TMEM119: variants seen among roughly 807,000 people sequenced by gnomAD.
TMEM119 encodes the protein osteoblast induction factor.
For missense variants in TMEM119, 410 were observed against 381.0 expected (o/e 1.08, Z -0.63); for synonymous variants, 182 against 176.4 (o/e 1.03, Z -0.25).
intron 1 of TMEM119, among the ~76,000 whole-genome samples, chr12:108,596,485 C>G (rs1263320766): frequency 6.6e-6 from 1 of 152,106 alleles, no homozygotes; most frequent in Non-Finnish European, 1.5e-5. Context: ...AAGGAGAACA[C>G]ACAAACTGCC....
Position 108,591,983 on chromosome 12 carries a change from T to C in TMEM119, c.401A>G (p.Lys134Arg), listed in dbSNP as rs1182282977. 6.2e-7 allele frequency: 1 copy of C among 1,613,526 alleles called. No homozygotes were observed. Among genetic ancestry groups the C allele is most frequent in the African/African-American group, 1.3e-5 (1 of 75,008 alleles). The change falls in exon 2 of 2, where the codon AAG (lysine) becomes AGG (arginine). Residue 134 changes from lysine (K) to arginine (R), a missense_variant. Lys to Arg is a conservative substitution (Grantham distance 26). Transcript: ENST00000392806. The surrounding 1 kb of genome is among the most constrained non-coding windows in gnomAD (Gnocchi z 4.2). ...ASAYYPSSFP[K>R]KKYVDQSDRA... The stretch of plus-strand genomic sequence containing the variant: ...GTCACTCTGGTCCACGTACTTCTTC[T>C]TGGGGAAGGACGATGGGTAATAGGC...
rs1235699616 is a variant in TMEM119, at chr12:108,592,847, A to T, written c.-14-450T>A. ...TTTGCAGATGAAAAAACAGAGGCTG[A>T]GAGGGACGTGGTGACTTGCCAGGGA... On this transcript the variant is annotated intron_variant, in intron 1 of 1. Coordinates refer to ENST00000392806, the MANE Select transcript of TMEM119 (RefSeq NM_181724.3). The surrounding 1 kb of genome is among the most constrained non-coding windows in gnomAD (Gnocchi z 4.3). 1.3e-5 allele frequency among the ~76,000 whole-genome samples: 2 copies of T among 152,104 alleles called. No homozygotes were observed. The highest frequency in any genetic ancestry group is 2.9e-5 in the Non-Finnish European group (2 of 68,008).
intron 1 of TMEM119, among the ~76,000 whole-genome samples, chr12:108,595,885 G>A (rs2031497634): frequency 6.6e-6 from 1 of 152,206 alleles, no homozygotes; most frequent in Admixed American, 6.5e-5. Flanking sequence ...GTCAAGCCTA[G>A]GAGAGAGCTT....
Position 108,590,106 on chromosome 12 carries a change from C to T in TMEM119, c.*1426G>A, listed in dbSNP as rs992413199. On this transcript the variant is annotated 3_prime_UTR_variant, in exon 2 of 2. Coordinates refer to ENST00000392806, the MANE Select transcript of TMEM119 (RefSeq NM_181724.3). ...TGGGCGTCAGAAACCCTTCCCCAGCCCCTCGGACTTCCCCAGGGTGGAGGT... is the reference window on the plus strand; with the variant it reads ...TGGGCGTCAGAAACCCTTCCCCAGCTCCTCGGACTTCCCCAGGGTGGAGGT... The T allele has an allele frequency of 4.6e-5, 7 of 152,234 alleles. No individual in the cohort carries two copies. The highest frequency in any genetic ancestry group is 1.4e-4 in the African/African-American group (6 of 41,434). The allele number at this position is 152,234 out of a possible 1,614,324, so 9.4% of individuals were successfully genotyped here. A position where few individuals can be genotyped will look rare whatever the true frequency, so the allele number is the denominator to read the frequency against.
chr12:108,592,269 C>T lies in TMEM119; in HGVS notation c.115G>A (p.Ala39Thr), dbSNP rs1177377631. 6.2e-7 allele frequency: 1 copy of T among 1,609,444 alleles called. No individual in the cohort carries two copies. Among genetic ancestry groups the T allele is most frequent in the Non-Finnish European group, 8.5e-7 (1 of 1,178,850 alleles). Reference protein sequence around the residue: ...PLKATFLEDVAGSGEAEGSSA... With the variant: ...PLKATFLEDVTGSGEAEGSSA... ...GAGCCCTCGGCCTCCCCACTACCCG[C>T]CACATCCTCCAGGAACGTGGCCTTC... is the stretch of plus-strand genomic sequence containing the variant. Residue 39 changes from alanine to threonine, a missense_variant, in exon 2 of 2, where the codon GCG (alanine) becomes ACG (threonine). By Grantham distance (58) the Ala-to-Thr change is moderately conservative. Coordinates refer to ENST00000392806, the MANE Select transcript of TMEM119 (RefSeq NM_181724.3). The surrounding 1 kb of genome is among the most constrained non-coding windows in gnomAD (Gnocchi z 4.3).
chr12:108,596,061 G>T (rs1014434931), intron 1 of TMEM119, among the ~76,000 whole-genome samples: 6 of 152,222 alleles, frequency 3.9e-5, no homozygotes, highest in African/African-American at 1.4e-4. Flanking sequence ...TTGGGACAGG[G>T]TGACCACAGG....
chr12:108,595,117 A>G (rs998648924), intron 1 of TMEM119, among the ~76,000 whole-genome samples: 4 of 152,076 alleles, frequency 2.6e-5, no homozygotes, highest in African/African-American at 9.7e-5. Context: ...CACAGATGAT[A>G]AGTAGCTGAG....
At chr12:108,597,307 G>A (rs866108207) in intron 1 of TMEM119, among the ~76,000 whole-genome samples, 23 of 152,152 alleles carry the variant, frequency 1.5e-4, no homozygotes, top group Middle Eastern at 3.4e-3. Context: ...GGCGGCCCAC[G>A]GAAACCTGGC....
At chr12:108,594,572 AAAG>A (rs1353152694) in intron 1 of TMEM119, 2 of 146,622 alleles carry the variant, frequency 1.4e-5, no homozygotes, top group Non-Finnish European at 3.0e-5. Flanking sequence ...GAAAGAAAGA[AAAG>A]AAAAAAAAGA....
At chr12:108,597,447 C>T (rs75592976) in intron 1 of TMEM119, among the ~76,000 whole-genome samples, 8,864 of 147,590 alleles carry the variant, frequency 0.06, 554 homozygotes, top group African/African-American at 0.16. Context: ...CCTGGGGGCA[C>T]AATCCCCCTC....
Position 108,591,761 on chromosome 12 carries a change from T to A in TMEM119, c.623A>T (p.Glu208Val). ...RMVEGRGAEE[E>V]EKGSQEGDQE... is the part of the protein sequence containing the mutation. The stretch of plus-strand genomic sequence containing the variant: ...GTCCCCCTCCTGGCTGCCCTTCTCC[T>A]CTTCCTCTGCGCCCCTGCCCTCCAC... The change falls in exon 2 of 2, where the codon GAG (glutamate) becomes GTG (valine). Residue 208 changes from glutamate to valine, a missense_variant. Glu to Val is a moderately radical substitution (Grantham distance 121, BLOSUM62 -2). Coordinates refer to ENST00000392806, the MANE Select transcript of TMEM119 (RefSeq NM_181724.3). The surrounding 1 kb of genome is among the most constrained non-coding windows in gnomAD (Gnocchi z 4.2). 1 of 1,599,022 alleles carries A rather than the reference T, an allele frequency of 6.3e-7. No individual in the cohort carries two copies. Among genetic ancestry groups the A allele is most frequent in the Non-Finnish European group, 8.5e-7 (1 of 1,171,680 alleles).
At chr12:108,596,933 G>A (rs1222705670) in intron 1 of TMEM119, among the ~76,000 whole-genome samples, 1 of 152,218 alleles carries the variant, frequency 6.6e-6, no homozygotes, top group East Asian at 1.9e-4. Flanking sequence ...GTATATCCCA[G>A]AGGAGGTCAC....
At chr12:108,593,222 T>C (rs2031449887) in intron 1 of TMEM119, among the ~76,000 whole-genome samples, 1 of 152,038 alleles carries the variant, frequency 6.6e-6, no homozygotes, top group East Asian at 1.9e-4. Flanking sequence ...GGTGGGCAGA[T>C]CACTTGAGGT....
intron 1 of TMEM119, among the ~76,000 whole-genome samples, chr12:108,595,367 ATGCACACACACCACACACAAC>A (rs1201816247): frequency 1.3e-5 from 2 of 148,912 alleles, no homozygotes; most frequent in Non-Finnish European, 3.0e-5. Context: ...TCATACACAC[ATGCACACACACCACACACAAC>A]CATGCACACA....
chr12:108,596,506 T>C (rs114549311), intron 1 of TMEM119, among the ~76,000 whole-genome samples: 67 of 152,230 alleles, frequency 4.4e-4, no homozygotes, highest in African/African-American at 1.6e-3. Context: ...ACTGGCTCTT[T>C]AAGGCTGAGA....
At chr12:108,593,342 G>T (rs1360511427) in intron 1 of TMEM119, among the ~76,000 whole-genome samples, 1 of 152,138 alleles carries the variant, frequency 6.6e-6, no homozygotes, top group Non-Finnish European at 1.5e-5. Flanking sequence ...TACTTAGGAG[G>T]CTGAGGCAGG....
At chr12:108,594,754 G>T (rs2031477006) in intron 1 of TMEM119, among the ~76,000 whole-genome samples, 2 of 151,826 alleles carry the variant, frequency 1.3e-5, no homozygotes, top group African/African-American at 2.4e-5. Context: ...AACATAGTAA[G>T]ACCCCACCTC....
rs2031376279 is a variant in TMEM119 at position 108,590,719 on chromosome 12, T to C, written c.*813A>G. 1 of 152,178 alleles carries C rather than the reference T, an allele frequency of 6.6e-6. No individual in the cohort carries two copies. The highest frequency in any genetic ancestry group is 1.5e-5 in the Non-Finnish European group (1 of 68,076). The allele number at this position is 152,178 out of a possible 1,614,324, so 9.4% of individuals were successfully genotyped here. On this transcript the variant is annotated 3_prime_UTR_variant, in exon 2 of 2. Transcript: ENST00000392806. The stretch of plus-strand genomic sequence containing the variant: ...CTCAAAAAAAAAAATCTTGTTTCCG[T>C]AGAGTGCCTCGGGGAACCTAGTTTG...
In TMEM119 at chr12:108,595,403, CCA is replaced by C. The variant is rs756201806; in HGVS notation, c.-15+2565_-15+2566del. On this transcript the variant is annotated intron_variant, in intron 1 of 1. Coordinates refer to ENST00000392806, the MANE Select transcript of TMEM119 (RefSeq NM_181724.3). Reference sequence around the variant, plus strand: ...CCACACACAACCATGCACACACATACCACACACACACTCACACACCCATATAC... The same window carrying C: ...CCACACACAACCATGCACACACATACCACACACACTCACACACCCATATAC... Among the ~76,000 whole-genome samples the C allele has an allele frequency of 1.8e-4, 26 of 143,658 alleles. No individual in the cohort carries two copies. In the East Asian group the frequency reaches 2.7e-3, roughly 15 times the overall value. The allele number at this position is 143,658 out of a possible 152,430, so 94.2% of individuals were successfully genotyped here.
Sources: gnomAD v4.1 joint callset for allele counts (sites outside exome capture counted in the v4.1 genomes callset) on GRCh38, gnomAD v4.1.1 for gene constraint, Gnocchi (gnomAD v3.1) non-coding constraint, MANE v1.5 for transcripts, NCBI Gene and HGNC (gene_info 2026-07-23, HGNC 2026-07-21) for gene names.